Variants in ACYP2 observed in about 807,000 individuals in gnomAD.
ACYP2 encodes acylphosphatase-2.
ACYP2 carries 12 observed loss-of-function variants against 11.2 expected under a neutral mutation model. The observed-to-expected ratio is 1.08, with a 90% CI of 0.69 to 1.74. ACYP2 has a LOEUF of 1.74. ACYP2 is among the 40% of genes most tolerant of loss of function. The pLI is 0.00. For synonymous variants in ACYP2, 43 were observed against 32.2 expected, an observed-to-expected ratio of 1.33 and a Z score of -1.13; for missense variants, 134 against 101.9, an observed-to-expected ratio of 1.31 and a Z score of -1.35.
chr2:54,145,944 G>A (rs577339915), intron 6 of ACYP2, among the ~76,000 whole-genome samples: 20 of 152,106 alleles, frequency 1.3e-4, no homozygotes, highest in Non-Finnish European at 1.9e-4. Context: ...GTTGCTCTTC[G>A]CTGCTTTCCT....
intron 2 of ACYP2, among the ~76,000 whole-genome samples, chr2:53,984,506 G>A (rs1008238780): frequency 6.6e-6 from 1 of 151,712 alleles, no homozygotes; most frequent in Non-Finnish European, 1.5e-5. Flanking sequence ...GAACCGGGGG[G>A]GTGGGGGTTG....
At chr2:54,141,637 A>G (rs984952785) in intron 6 of ACYP2, among the ~76,000 whole-genome samples, 2 of 152,140 alleles carry the variant, frequency 1.3e-5, no homozygotes, top group African/African-American at 4.8e-5. Context: ...ACATCAGTAT[A>G]CCATATTGAT....
At chr2:54,153,310 C>G (rs1406742475) in intron 6 of ACYP2, among the ~76,000 whole-genome samples, 1 of 151,754 alleles carries the variant, frequency 6.6e-6, no homozygotes, top group African/African-American at 2.4e-5. Flanking sequence ...TATTTCTGGG[C>G]TCTCTATCCT....
At chr2:53,994,329 C>CAAAAA (rs374302355) in intron 2 of ACYP2, among the ~76,000 whole-genome samples, 10 of 42,864 alleles carry the variant, frequency 2.3e-4, no homozygotes, top group Admixed American at 4.0e-4. Flanking sequence ...GACTCCGTCT[C>CAAAAA]AAAAAAAAAA....
chr2:54,121,042 G>T (rs1680125654), intron 4 of ACYP2, among the ~76,000 whole-genome samples: 1 of 152,144 alleles, frequency 6.6e-6, no homozygotes, highest in Admixed American at 6.5e-5. Flanking sequence ...CACTCCTATA[G>T]CTCGGCGAGC....
At chr2:54,257,891 A>G (rs1056976934) in intron 6 of ACYP2, among the ~76,000 whole-genome samples, 2 of 152,260 alleles carry the variant, frequency 1.3e-5, no homozygotes, top group Non-Finnish European at 2.9e-5. Flanking sequence ...GTAGCTTAAA[A>G]AAATGTTTCC....
chr2:54,039,258 AT>A (rs112626580), intron 2 of ACYP2, among the ~76,000 whole-genome samples: 9 of 133,332 alleles, frequency 6.8e-5, no homozygotes, highest in African/African-American at 2.0e-4. Flanking sequence ...TCGTGCTTTA[AT>A]TTTTTTTTTC....
rs545437870 is a variant in ACYP2 at position 54,200,107 on chromosome 2, G to A, written c.404+61359G>A. Among the ~76,000 whole-genome samples the A allele has an allele frequency of 6.4e-4, 98 of 152,320 alleles. 1 individual carries two copies. Among genetic ancestry groups the A allele is most frequent in the African/African-American group, 2.2e-3 (90 of 41,568 alleles). ...TTTGCTCATTCACATGAAAAGGAAA[G>A]TGTGTTTTCAGTTGGAAGATGTGGA... On this transcript the variant is annotated intron_variant, in intron 6 of 6. Coordinates refer to ENST00000607452, the MANE Select transcript of ACYP2 (RefSeq NM_001320586.2).
chr2:54,157,967 A>G (rs923501628), intron 6 of ACYP2, among the ~76,000 whole-genome samples: 17 of 152,170 alleles, frequency 1.1e-4, no homozygotes, highest in African/African-American at 3.9e-4. Flanking sequence ...TATATAGGGA[A>G]TTTGAAAACA....
At chr2:54,294,959 TAC>T (rs1689461050) in intron 6 of ACYP2, among the ~76,000 whole-genome samples, 1 of 151,706 alleles carries the variant, frequency 6.6e-6, no homozygotes, top group South Asian at 2.1e-4. Flanking sequence ...ATACAATAAA[TAC>T]AATAGATGTT....
intron 6 of ACYP2, among the ~76,000 whole-genome samples, chr2:54,258,183 T>C (rs1296456102): frequency 5.9e-5 from 9 of 152,090 alleles, no homozygotes; most frequent in African/African-American, 2.2e-4. Context: ...ATAAGTGCTA[T>C]GGAAAAAACA....
At chr2:54,177,856 A>G (rs374971350) in intron 6 of ACYP2, among the ~76,000 whole-genome samples, 24 of 148,736 alleles carry the variant, frequency 1.6e-4, no homozygotes, top group African/African-American at 5.5e-4. Context: ...CTGGGATTAC[A>G]GGTGTGAGCC....
At chr2:54,293,482 C>T (rs537073810) in intron 6 of ACYP2, among the ~76,000 whole-genome samples, 6 of 152,276 alleles carry the variant, frequency 3.9e-5, no homozygotes, top group Non-Finnish European at 8.8e-5. Context: ...TTGGATGATG[C>T]GCCATTTTCC....
chr2:54,051,801 T>C (rs1401158597), intron 3 of ACYP2: 14 of 396,290 alleles, frequency 3.5e-5, no homozygotes, highest in Non-Finnish European at 6.0e-5. Context: ...TCCCGGCACT[T>C]TGGGAGGCCG....
At chr2:54,290,298 T>C (rs1034651830) in intron 6 of ACYP2, among the ~76,000 whole-genome samples, 4 of 151,980 alleles carry the variant, frequency 2.6e-5, no homozygotes, top group African/African-American at 9.7e-5. Context: ...TTTATAACCA[T>C]AGAACGTTGC....
chr2:54,200,596 A>G (rs971099672), intron 6 of ACYP2, among the ~76,000 whole-genome samples: 3 of 152,230 alleles, frequency 2.0e-5, no homozygotes, highest in Admixed American at 6.5e-5. Flanking sequence ...TATCAGTGAT[A>G]CATTATATTT....
intron 6 of ACYP2, among the ~76,000 whole-genome samples, chr2:54,201,144 C>T (rs112185154): frequency 0.25 from 37,625 of 149,412 alleles, 5,066 homozygotes; most frequent in South Asian, 0.43. Context: ...CTCGCTCTGT[C>T]GCCCAGGCTG....
intron 4 of ACYP2, among the ~76,000 whole-genome samples, chr2:54,132,642 C>T (rs1271287725): frequency 1.3e-5 from 2 of 152,140 alleles, no homozygotes; most frequent in African/African-American, 4.8e-5. Context: ...ATTGATCCAT[C>T]CGCTGTGACT....
intron 2 of ACYP2, among the ~76,000 whole-genome samples, chr2:53,999,103 T>C (rs139302357): frequency 1.5e-3 from 236 of 152,278 alleles, no homozygotes; most frequent in African/African-American, 5.4e-3. Flanking sequence ...GATATAATTA[T>C]CTCTGCTACA....
Sources: gnomAD v4.1 joint callset for allele counts (sites outside exome capture counted in the v4.1 genomes callset) on GRCh38, gnomAD v4.1.1 for gene constraint, MANE v1.5 for transcripts, NCBI Gene and HGNC (gene_info 2026-07-23, HGNC 2026-07-21) for gene names.